RGS5: variants seen among roughly 807,000 people sequenced by gnomAD.
RGS5 encodes the protein regulator of G-protein signalling 5.
Under a neutral mutation model 18.9 loss-of-function variants are expected in RGS5, and 20 were observed. The ratio of observed to expected loss-of-function variants is 1.06; its 90% CI spans 0.74 to 1.54. The LOEUF is 1.54. RGS5 is among the 40% of genes most tolerant of loss of function. The probability of loss-of-function intolerance (pLI) is 0.00; values close to 1 mark genes in which losing one functional copy is unlikely to be tolerated. For missense variants in RGS5, 201 were observed against 211.8 expected (o/e 0.95, Z 0.32); for synonymous variants, 57 against 76.2 (o/e 0.75, Z 1.31).
rs190706870 is a variant in RGS5, at chr1:163,317,976, G to C, written c.-378+3646C>G. Among the ~76,000 whole-genome samples the C allele has an allele frequency of 8.8e-4, 134 of 151,872 alleles. 1 individual carries two copies. Among genetic ancestry groups the C allele is most frequent in the African/African-American group, 3.1e-3 (130 of 41,412 alleles). Reference sequence around the variant, plus strand: ...AGCTCAGTGTCTGGCACAAAATAAGGGTTCAATGAATATTTTCTGAATGAA... The same window carrying C: ...AGCTCAGTGTCTGGCACAAAATAAGCGTTCAATGAATATTTTCTGAATGAA... On this transcript the variant is annotated intron_variant, in intron 1 of 5. Transcript: ENST00000618415.
intron 1 of RGS5, among the ~76,000 whole-genome samples, chr1:163,188,499 T>C (rs1659191760): frequency 6.6e-6 from 1 of 152,208 alleles, no homozygotes; most frequent in South Asian, 2.1e-4. Flanking sequence ...AGGAGTTCCT[T>C]CATTTTATAG....
intron 1 of RGS5, among the ~76,000 whole-genome samples, chr1:163,183,887 T>C (rs1429232851): frequency 6.6e-6 from 1 of 152,140 alleles, no homozygotes; most frequent in Non-Finnish European, 1.5e-5. Flanking sequence ...CCTTCCAATG[T>C]TTAATATGGA....
chr1:163,202,744 A>C, intron 1 of RGS5, 48 bp downstream of exon 1: 3 of 1,582,374 alleles, frequency 1.9e-6, no homozygotes, highest in Non-Finnish European at 2.6e-6. Flanking sequence ...CCTTGAGTAA[A>C]GATTCTCCAT....
intron 2 of RGS5, among the ~76,000 whole-genome samples, chr1:163,289,961 C>T (rs1378045619): frequency 6.6e-6 from 1 of 152,168 alleles, no homozygotes; most frequent in Non-Finnish European, 1.5e-5. Flanking sequence ...AAAAGGGATA[C>T]TTGGAAGCCA....
At chr1:163,217,650 G>A, upstream of RGS5, 1 of 1,511,778 alleles carries the variant, frequency 6.6e-7, no homozygotes, top group African/African-American at 1.4e-5. Context: ...CTGGGCTAGT[G>A]TTCCTTAGAA....
rs528298642 is a variant in RGS5, at chr1:163,236,490, C to A, written c.-280-68122G>T. On this transcript the variant is annotated intron_variant, in intron 2 of 5. Transcript: ENST00000618415. Reference sequence around the variant, plus strand: ...GTGAATGGCAGCCCCTAAAATCGCACAGTGCAAATTCTGCATAACTACTGG... The same window carrying A: ...GTGAATGGCAGCCCCTAAAATCGCAAAGTGCAAATTCTGCATAACTACTGG... Among the ~76,000 whole-genome samples, 107 of 152,226 alleles carry A rather than the reference C, an allele frequency of 7.0e-4. 1 individual carries two copies. Among genetic ancestry groups the A allele is most frequent in the South Asian group, 2.9e-3 (14 of 4,820 alleles).
Position 163,191,721 on chromosome 1 carries a change from A to T in RGS5, c.44+11071T>A, listed in dbSNP as rs145244504. On this transcript the variant is annotated intron_variant, in intron 1 of 4. Coordinates refer to ENST00000313961, the MANE Select transcript of RGS5 (RefSeq NM_003617.4). ...CTGGTTCTTTACACAGAGCTCCTAA[A>T]TCCCTTGGAAATTCCTGGGTAAGAG... 7.0e-3 allele frequency among the ~76,000 whole-genome samples: 1,067 copies of T among 152,046 alleles called. 10 individuals are homozygous for T. The highest frequency in any genetic ancestry group is 0.024 in the African/African-American group (994 of 41,488).
At chr1:163,183,059 T>C (rs976122476) in intron 1 of RGS5, among the ~76,000 whole-genome samples, 1 of 152,212 alleles carries the variant, frequency 6.6e-6, no homozygotes, top group African/African-American at 2.4e-5. Flanking sequence ...CTTTAATGTG[T>C]CCTCTCATAA....
At chr1:163,274,219 C>T (rs767524225) in intron 2 of RGS5, among the ~76,000 whole-genome samples, 1 of 152,010 alleles carries the variant, frequency 6.6e-6, no homozygotes, top group Non-Finnish European at 1.5e-5. Context: ...TACCAGATAG[C>T]CTCAGAATAG....
chr1:163,211,983 A>G (rs1362409435), intron 1 of RGS5: 1 of 152,242 alleles, frequency 6.6e-6, no homozygotes, highest in Non-Finnish European at 1.5e-5. Context: ...GTACTGAAGG[A>G]CATTTTAAAA....
rs2102374608 is a variant in RGS5, at chr1:163,144,300, A to T, written c.*3042T>A. 1 of 152,256 alleles carries T rather than the reference A, an allele frequency of 6.6e-6. No homozygotes were observed. The highest frequency in any genetic ancestry group is 2.4e-5 in the African/African-American group (1 of 41,570). 9.4% of individuals were successfully genotyped at this position (152,256 alleles called of 1,614,324 possible). A position where few individuals can be genotyped will look rare whatever the true frequency, so the allele number is the denominator to read the frequency against. The stretch of plus-strand genomic sequence containing the variant: ...CACTGCTTTAACAAATAAACATGGA[A>T]CATACGTCCTTAATTAACTGTGGAG... On this transcript the variant is annotated 3_prime_UTR_variant, in exon 5 of 5. Coordinates refer to ENST00000313961, the MANE Select transcript of RGS5 (RefSeq NM_003617.4).
At chr1:163,201,721 G>C (rs1659776360) in intron 1 of RGS5, among the ~76,000 whole-genome samples, 1 of 152,064 alleles carries the variant, frequency 6.6e-6, no homozygotes, top group Non-Finnish European at 1.5e-5. Context: ...GTTATTTCTA[G>C]AGTGGAAGGC....
rs1156684229 is a variant in RGS5 at position 163,256,201 on chromosome 1, T to C, written c.-281+50032A>G. Among the ~76,000 whole-genome samples, 4 of 152,048 alleles carry C rather than the reference T, an allele frequency of 2.6e-5. No individual in the cohort carries two copies. The East Asian group carries it at 7.7e-4, about 29-fold the overall frequency. On this transcript the variant is annotated intron_variant, in intron 2 of 5. Coordinates refer to the RGS5 transcript ENST00000618415. Reference sequence around the variant, plus strand: ...TGTTTGCAGATGACATGATTGTATATCTAGAAAACCCCATCGTCTCAGCCC... The same window carrying C: ...TGTTTGCAGATGACATGATTGTATACCTAGAAAACCCCATCGTCTCAGCCC...
At position 163,200,446 on chromosome 1, in the gene RGS5, G is replaced by A. The variant is rs558252501; in HGVS notation, c.44+2346C>T. On this transcript the variant is annotated intron_variant, in intron 1 of 4. Coordinates refer to ENST00000313961, the MANE Select transcript of RGS5 (RefSeq NM_003617.4). ...TGTTCCTTTTGTGGCTTGGAGAGAA[G>A]AAATGCAAAGACAGGAGCCTGTGTG... Among the ~76,000 whole-genome samples the A allele has an allele frequency of 4.4e-3, 672 of 152,194 alleles. 6 individuals are homozygous for A. Among genetic ancestry groups the A allele is most frequent in the African/African-American group, 0.016 (653 of 41,528 alleles).
chr1:163,225,970 G>A (rs986421301), intron 2 of RGS5, among the ~76,000 whole-genome samples: 2 of 151,652 alleles, frequency 1.3e-5, no homozygotes, highest in Non-Finnish European at 2.9e-5. Flanking sequence ...GCCCAGGGTG[G>A]AGTGCAATGG....
intron 1 of RGS5, among the ~76,000 whole-genome samples, chr1:163,210,134 T>C (rs190571587): frequency 6.6e-6 from 1 of 151,874 alleles, no homozygotes; most frequent in East Asian, 1.9e-4. Context: ...GGACTACAGA[T>C]ATGCACCACC....
chr1:163,216,330 C>A (rs1312820277), intron 1 of RGS5, among the ~76,000 whole-genome samples: 1 of 152,156 alleles, frequency 6.6e-6, no homozygotes, highest in African/African-American at 2.4e-5. Context: ...AATTCCCTTG[C>A]AGCCTAGTGG....
intron 2 of RGS5, among the ~76,000 whole-genome samples, chr1:163,286,074 G>C (rs1255426219): frequency 6.6e-6 from 1 of 151,508 alleles, no homozygotes; most frequent in Non-Finnish European, 1.5e-5. Context: ...CCATATCCAT[G>C]TGTTCCGCGT....
intron 1 of RGS5, among the ~76,000 whole-genome samples, chr1:163,187,670 C>A (rs1280546601): frequency 1.3e-5 from 2 of 152,160 alleles, no homozygotes; most frequent in Admixed American, 6.5e-5. Flanking sequence ...CCAGGTAGGG[C>A]ATAGGAACTC....
Sources: allele counts gnomAD v4.1 joint callset (sites outside exome capture counted in the v4.1 genomes callset), GRCh38; gene constraint gnomAD v4.1.1; transcripts MANE v1.5; gene names NCBI Gene and HGNC (gene_info 2026-07-23, HGNC 2026-07-21).